Variants in RSPH14 observed in about 807,000 individuals in gnomAD.
RSPH14 encodes radial spoke head 14 homolog, also known as rhabdoid tumor deletion region gene 1.
In RSPH14, 20 loss-of-function variants were observed where a neutral mutation model predicts 26.7. The ratio of observed to expected loss-of-function variants is 0.75; its 90% CI spans 0.53 to 1.09. The LOEUF (loss-of-function observed/expected upper bound fraction) is 1.09. Among genes scored for constraint, RSPH14 ranks in the 50% least tolerant of loss-of-function variants. The pLI is 0.00. For synonymous variants in RSPH14, 177 were observed against 189.3 expected (o/e 0.93, Z 0.53); for missense variants, 449 against 457.2 (o/e 0.98, Z 0.16).
chr22:23,093,138 T>C (rs2069033361), intron 4 of RSPH14, among the ~76,000 whole-genome samples: 1 of 152,244 alleles, frequency 6.6e-6, no homozygotes, highest in South Asian at 2.1e-4. Flanking sequence ...TTTAAGCAGA[T>C]GTTCTGCCCA....
intron 4 of RSPH14, among the ~76,000 whole-genome samples, chr22:23,118,911 G>A (rs1250175934): frequency 6.6e-6 from 1 of 152,246 alleles, no homozygotes; most frequent in African/African-American, 2.4e-5. Context: ...TCCACCAAGG[G>A]CAGGAGGACC....
chr22:23,083,776 T>G (rs2146280649), intron 4 of RSPH14, among the ~76,000 whole-genome samples: 1 of 152,262 alleles, frequency 6.6e-6, no homozygotes, highest in African/African-American at 2.4e-5. Context: ...CCAGGGGAAG[T>G]CCAGTCCCAC....
At chr22:23,161,918 A>G in the RSPH14 span, 226 of 249,958 alleles carry the variant, frequency 9.0e-4, 1 homozygote, top group Non-Finnish European at 1.6e-3. Flanking sequence ...GGTCTATACT[A>G]CTCGGCCATG....
intron 4 of RSPH14, chr22:23,131,496 G>T: frequency 1.6e-6 from 1 of 607,748 alleles, no homozygotes; most frequent in Non-Finnish European, 2.5e-6. Flanking sequence ...TATGGATATA[G>T]AATGTAAAGA....
chr22:23,138,473 A>T (rs148369920), intron 3 of RSPH14, among the ~76,000 whole-genome samples: 1,530 of 152,222 alleles, frequency 0.01, 23 homozygotes, highest in African/African-American at 0.035. Flanking sequence ...AGGCACAAGA[A>T]TTGCTTGAAC....
At chr22:23,107,873 C>T (rs1241156196) in intron 4 of RSPH14, among the ~76,000 whole-genome samples, 1 of 152,200 alleles carries the variant, frequency 6.6e-6, no homozygotes, top group Non-Finnish European at 1.5e-5. Flanking sequence ...CATTGACCGA[C>T]GAAGCCACAG....
rs376098316 is a variant in RSPH14, at chr22:23,076,111, C to T, written c.422-11978G>A. On this transcript the variant is annotated intron_variant, in intron 4 of 6. Transcript: ENST00000216036. ...GCTGGCATGGCAGTGAGGGCTGGCT[C>T]TTAGGCTGTGGCCCTGCTCCAGACA... is the stretch of plus-strand genomic sequence containing the variant. 2.4e-3 allele frequency among the ~76,000 whole-genome samples: 366 copies of T among 152,326 alleles called. 1 individual carries two copies. The highest frequency in any genetic ancestry group is 8.6e-3 in the African/African-American group (356 of 41,566).
chr22:23,099,332 C>T (rs560660861), intron 4 of RSPH14, among the ~76,000 whole-genome samples: 10 of 152,368 alleles, frequency 6.6e-5, no homozygotes, highest in African/African-American at 1.4e-4. Context: ...TCCATGGCCA[C>T]GGTTCCCACC....
At chr22:23,174,781 C>T in the RSPH14 span, among the ~76,000 whole-genome samples, 3 of 151,470 alleles carry the variant, frequency 2.0e-5, no homozygotes, top group African/African-American at 7.3e-5. Flanking sequence ...CCAGCCTGAC[C>T]AACATGGAGA....
At chr22:23,169,198 G>A in the RSPH14 span, among the ~76,000 whole-genome samples, 3 of 152,240 alleles carry the variant, frequency 2.0e-5, no homozygotes, top group Admixed American at 6.5e-5. Context: ...ACAGGGGCTC[G>A]TTTCTCACTG....
chr22:23,078,637 A>G (rs1261547623), intron 4 of RSPH14, among the ~76,000 whole-genome samples: 5 of 152,190 alleles, frequency 3.3e-5, no homozygotes, highest in Non-Finnish European at 7.4e-5. Flanking sequence ...GTCCCCAGGG[A>G]CCACAGGGAA....
intron 4 of RSPH14, among the ~76,000 whole-genome samples, chr22:23,111,380 C>T (rs11914227): frequency 0.064 from 9,710 of 152,280 alleles, 1,073 homozygotes; most frequent in African/African-American, 0.22. Context: ...GACTCGGTTC[C>T]GCCTAGTGGC....
chr22:23,116,137 T>A (rs1433620723), intron 4 of RSPH14, among the ~76,000 whole-genome samples: 2 of 152,250 alleles, frequency 1.3e-5, no homozygotes, highest in East Asian at 3.8e-4. Context: ...GGGTAAGCCT[T>A]GCTTCGTGAA....
At chr22:23,095,636 T>C (rs2069102176) in intron 4 of RSPH14, 2 of 1,537,920 alleles carry the variant, frequency 1.3e-6, no homozygotes, top group Non-Finnish European at 1.7e-6. Flanking sequence ...GTGTCCCCTG[T>C]GGCAAGAGGG....
intron 4 of RSPH14, among the ~76,000 whole-genome samples, chr22:23,112,220 T>C (rs1043399687): frequency 6.6e-6 from 1 of 152,218 alleles, no homozygotes; most frequent in East Asian, 1.9e-4. Context: ...TTCTGGTTTC[T>C]GAGGGGCCCT....
chr22:23,069,120 G>A (rs958787608), intron 4 of RSPH14, among the ~76,000 whole-genome samples: 1 of 152,210 alleles, frequency 6.6e-6, no homozygotes, highest in Non-Finnish European at 1.5e-5. Flanking sequence ...GAGGTTATGG[G>A]ATGATGCTGA....
At chr22:23,132,083 C>T (rs1216062759) in intron 4 of RSPH14, among the ~76,000 whole-genome samples, 1 of 152,212 alleles carries the variant, frequency 6.6e-6, no homozygotes, top group African/African-American at 2.4e-5. Context: ...TGCACTCCAT[C>T]CTTGGGCAGG....
the RSPH14 span, among the ~76,000 whole-genome samples, chr22:23,179,112 C>T: frequency 6.6e-6 from 1 of 152,208 alleles, no homozygotes; most frequent in South Asian, 2.1e-4. Flanking sequence ...GCAGGGCTGG[C>T]CTGGCTACTA....
At chr22:23,116,249 A>G (rs2084897245) in intron 4 of RSPH14, among the ~76,000 whole-genome samples, 1 of 152,266 alleles carries the variant, frequency 6.6e-6, no homozygotes, top group South Asian at 2.1e-4. Flanking sequence ...CTCGAGGCAC[A>G]GTGAGTTGTG....
Sources: gnomAD v4.1 joint callset for allele counts (sites outside exome capture counted in the v4.1 genomes callset) on GRCh38, gnomAD v4.1.1 for gene constraint, MANE v1.5 for transcripts, NCBI Gene and HGNC (gene_info 2026-07-23, HGNC 2026-07-21) for gene names.